GRIA2: variants seen among roughly 807,000 people sequenced by gnomAD.
GRIA2 encodes glutamate ionotropic receptor AMPA type subunit 2.
GRIA2 carries 14 observed loss-of-function variants against 97.3 expected under a neutral mutation model. The observed-to-expected ratio is 0.14, with a 90% CI of 0.10 to 0.23. The LOEUF is 0.23. GRIA2 is among the 10% of genes least tolerant of loss of function. The probability of loss-of-function intolerance (pLI) is 1.00; values close to 1 mark genes in which losing one functional copy is unlikely to be tolerated. For missense variants in GRIA2, 558 were observed against 1,069.8 expected, an observed-to-expected ratio of 0.52 and a Z score of 6.67; for synonymous variants, 412 against 387.8, an observed-to-expected ratio of 1.06 and a Z score of -0.73.
chr4:157,357,567 C>T (rs985957583), intron 12 of GRIA2, among the ~76,000 whole-genome samples: 3 of 152,026 alleles, frequency 2.0e-5, no homozygotes, highest in African/African-American at 7.2e-5. Context: ...TATTAATCTA[C>T]AATTACATCA....
At position 157,308,118 on chromosome 4, in the gene GRIA2, G is replaced by T. The variant is rs1579350921; in HGVS notation, c.469+4327G>T. 2.0e-5 allele frequency among the ~76,000 whole-genome samples: 3 copies of T among 152,204 alleles called. No homozygotes were observed. In the East Asian group the frequency reaches 5.8e-4, roughly 29 times the overall value. The stretch of plus-strand genomic sequence containing the variant: ...AATTTAACCCTTTAACGTGCAAACT[G>T]ACAGACTTCCCCTGTGTACCGGGTG... On this transcript the variant is annotated intron_variant, in intron 3 of 15. Transcript: ENST00000264426.
Position 157,336,631 on chromosome 4 carries a change from G to T in GRIA2, c.1728G>T (p.Glu576Asp). 1.2e-6 allele frequency: 2 copies of T among 1,613,424 alleles called. No homozygotes were observed. The highest frequency in any genetic ancestry group is 1.7e-6 in the Non-Finnish European group (2 of 1,179,552). ...GCCCCTACGAGTGGCACACTGAGGAGTTTGAAGATGGAAGAGAAACACAAA... is the reference window on the plus strand; with the variant it reads ...GCCCCTACGAGTGGCACACTGAGGATTTTGAAGATGGAAGAGAAACACAAA... ...RFSPYEWHTE[E>D]FEDGRETQSS... The change falls in exon 11 of 16, where the codon GAG becomes GAT. Residue 576 changes from glutamate (E) to aspartate (D), a missense_variant. Transcript: ENST00000264426.
chr4:157,294,171 C>G (rs896542323), intron 2 of GRIA2, among the ~76,000 whole-genome samples: 2 of 148,536 alleles, frequency 1.3e-5, no homozygotes, highest in Admixed American at 6.7e-5. Context: ...GGTATCCAGA[C>G]AGTAAGGTGA....
intron 3 of GRIA2, among the ~76,000 whole-genome samples, chr4:157,311,271 A>G (rs546413341): frequency 6.6e-6 from 1 of 152,172 alleles, no homozygotes; most frequent in South Asian, 2.1e-4. Flanking sequence ...TTTAAAACAT[A>G]ATTTCATAGA....
intron 2 of GRIA2, among the ~76,000 whole-genome samples, chr4:157,229,325 A>G (rs987048362): frequency 3.5e-4 from 54 of 152,114 alleles, no homozygotes; most frequent in African/African-American, 1.3e-3. Flanking sequence ...CCTTGTTATT[A>G]TATGTTTAAT....
chr4:157,236,033 G>A (rs2126704875), intron 2 of GRIA2, among the ~76,000 whole-genome samples: 1 of 151,852 alleles, frequency 6.6e-6, no homozygotes, highest in African/African-American at 2.4e-5. Context: ...TTATTATAGG[G>A]GTTTGAGAAT....
intron 2 of GRIA2, among the ~76,000 whole-genome samples, chr4:157,256,208 ATG>A (rs1561013138): frequency 2.4e-5 from 3 of 124,086 alleles, no homozygotes; most frequent in South Asian, 2.2e-4. Context: ...TTACATATAT[ATG>A]TTATATATAA....
intron 3 of GRIA2, among the ~76,000 whole-genome samples, chr4:157,304,983 C>T (rs1367044913): frequency 8.5e-5 from 13 of 152,106 alleles, no homozygotes; most frequent in Admixed American, 2.6e-4. Context: ...GTGTCAACAA[C>T]TATGTCCCCC....
chr4:157,228,022 G>GT (rs1167750958), intron 2 of GRIA2, among the ~76,000 whole-genome samples: 24 of 152,074 alleles, frequency 1.6e-4, no homozygotes, highest in Non-Finnish European at 1.0e-4. Context: ...CAATTTAAAA[G>GT]TTTTTTGTCA....
intron 6 of GRIA2, among the ~76,000 whole-genome samples, chr4:157,328,380 G>C (rs1245799834): frequency 1.3e-5 from 2 of 152,002 alleles, no homozygotes; most frequent in African/African-American, 4.8e-5. Flanking sequence ...TGGTGCCTCT[G>C]TCTCTTAGAG....
At chr4:157,286,833 G>T (rs146913087) in intron 2 of GRIA2, among the ~76,000 whole-genome samples, 2,105 of 151,598 alleles carry the variant, frequency 0.014, 39 homozygotes, top group African/African-American at 0.047. Context: ...CACATCTGCT[G>T]TCATTATAAT....
At chr4:157,345,932 C>A (rs2126960893) in intron 12 of GRIA2, among the ~76,000 whole-genome samples, 1 of 152,044 alleles carries the variant, frequency 6.6e-6, no homozygotes, top group East Asian at 1.9e-4. Context: ...TGATAATAAA[C>A]CATGAGACTC....
chr4:157,319,437 T>G (rs1014654386), intron 5 of GRIA2, among the ~76,000 whole-genome samples: 1 of 152,242 alleles, frequency 6.6e-6, no homozygotes, highest in African/African-American at 2.4e-5. Flanking sequence ...AGCAAGTTCA[T>G]GCTGCTGTCA....
intron 2 of GRIA2, among the ~76,000 whole-genome samples, chr4:157,294,993 TACAG>T (rs1267566288): frequency 6.6e-6 from 1 of 152,156 alleles, no homozygotes. Flanking sequence ...TAGCGCCTGA[TACAG>T]ACAGAGGTAA....
chr4:157,236,509 T>C (rs1730255785), intron 2 of GRIA2, among the ~76,000 whole-genome samples: 1 of 152,216 alleles, frequency 6.6e-6, no homozygotes, highest in African/African-American at 2.4e-5. Flanking sequence ...TGATGATTGT[T>C]TTCATTTTTG....
chr4:157,269,231 C>A (rs1440718757), intron 2 of GRIA2, among the ~76,000 whole-genome samples: 1 of 151,786 alleles, frequency 6.6e-6, no homozygotes, highest in Non-Finnish European at 1.5e-5. Flanking sequence ...TTTTTAGAAC[C>A]AAGAAAGGTC....
chr4:157,290,138 T>C (rs1445164179), intron 2 of GRIA2, among the ~76,000 whole-genome samples: 1 of 151,918 alleles, frequency 6.6e-6, no homozygotes, highest in Non-Finnish European at 1.5e-5. Flanking sequence ...AGTCATACTG[T>C]CCTTTTTCCC....
chr4:157,298,870 G>A (rs1733483836), intron 2 of GRIA2, among the ~76,000 whole-genome samples: 1 of 151,946 alleles, frequency 6.6e-6, no homozygotes, highest in Non-Finnish European at 1.5e-5. Context: ...AATAGTGAAG[G>A]CTTGGGAAAT....
Position 157,220,737 on chromosome 4 carries a change from T to C in GRIA2, c.-306T>C, listed in dbSNP as rs1729451568. On this transcript the variant is annotated 5_prime_UTR_variant, in exon 1 of 16. Transcript: ENST00000264426. The stretch of plus-strand genomic sequence containing the variant: ...GAGCGCGAGAGAGGGTGAGTGTGTG[T>C]GAGTGCATGGGAGGGTGCTGAATAT... 4.6e-6 allele frequency: 2 copies of C among 438,404 alleles called. No individual in the cohort carries two copies. Among genetic ancestry groups the C allele is most frequent in the Admixed American group, 7.4e-5 (2 of 27,060 alleles). 27.2% of individuals were successfully genotyped at this position (438,404 alleles called of 1,614,324 possible).
Sources: gnomAD v4.1 joint callset for allele counts (sites outside exome capture counted in the v4.1 genomes callset) on GRCh38, gnomAD v4.1.1 for gene constraint, MANE v1.5 for transcripts, NCBI Gene and HGNC (gene_info 2026-07-23, HGNC 2026-07-21) for gene names.